The following APLF variants were observed in gnomAD, a reference collection of about 807,000 sequenced individuals.
APLF encodes the protein aprataxin and PNK-like factor.
In APLF, 61 loss-of-function variants were observed where a neutral mutation model predicts 55.6. The observed-to-expected ratio is 1.10, with a 90% CI of 0.89 to 1.36. The LOEUF is 1.36. Among genes scored for constraint, APLF ranks in the 40% most tolerant of loss-of-function variants. APLF has a pLI of 0.00. For missense variants in APLF, 611 were observed against 602.5 expected (o/e 1.01, Z -0.15); for synonymous variants, 207 against 214.8 (o/e 0.96, Z 0.32).
chr2:68,575,849 T>C (rs147821223), intron 9 of APLF, among the ~76,000 whole-genome samples: 1 of 152,138 alleles, frequency 6.6e-6, no homozygotes, highest in Non-Finnish European at 1.5e-5. Flanking sequence ...CAGATAATGC[T>C]TAAGTATCCA....
chr2:68,574,214 C>G (rs1447091178), intron 9 of APLF, among the ~76,000 whole-genome samples: 1 of 151,064 alleles, frequency 6.6e-6, no homozygotes, highest in Non-Finnish European at 1.5e-5. Context: ...TTTTTTGGCC[C>G]AGTTACACTG....
At chr2:68,567,531 T>A in intron 9 of APLF, 144 bp downstream of exon 9, 1 of 679,236 alleles carries the variant, frequency 1.5e-6, no homozygotes, top group South Asian at 2.2e-5. Flanking sequence ...ATTTTTCTTA[T>A]ATTAAAAAAA....
At chr2:68,514,674 C>T (rs955193473) in intron 5 of APLF, among the ~76,000 whole-genome samples, 7 of 151,792 alleles carry the variant, frequency 4.6e-5, no homozygotes, top group African/African-American at 1.2e-4. Flanking sequence ...TATCACTCAC[C>T]TCTGCCTGTT....
chr2:68,559,684 G>T (rs1466687138), intron 8 of APLF, among the ~76,000 whole-genome samples: 1 of 151,968 alleles, frequency 6.6e-6, no homozygotes, highest in Non-Finnish European at 1.5e-5. Flanking sequence ...TCATTTCTTA[G>T]GTCCTCTACC....
At chr2:68,517,506 C>G (rs1036315581) in intron 5 of APLF, among the ~76,000 whole-genome samples, 1 of 139,680 alleles carries the variant, frequency 7.2e-6, no homozygotes, top group African/African-American at 2.6e-5. Context: ...TATGTTATCA[C>G]TATATATTAA....
intron 9 of APLF, among the ~76,000 whole-genome samples, chr2:68,572,087 A>C (rs988570365): frequency 4.6e-5 from 7 of 152,132 alleles, no homozygotes; most frequent in African/African-American, 7.2e-5. Flanking sequence ...AAAGATCCAG[A>C]AAGAAAACTA....
Position 68,560,362 on chromosome 2 carries a change from G to A in APLF, c.1287-6979G>A, listed in dbSNP as rs116136483. ...ATAGACAGTTTGAGTGAAATGGATG[G>A]CAATAGGACTGTTTTATTTATTTCT... On this transcript the variant is annotated intron_variant, in intron 8 of 9. Transcript: ENST00000303795. Among the ~76,000 whole-genome samples the A allele has an allele frequency of 5.5e-3, 835 of 152,140 alleles. 4 individuals are homozygous for A. Among genetic ancestry groups the A allele is most frequent in the African/African-American group, 0.019 (799 of 41,514 alleles).
chr2:68,468,705 AT>A (rs1675513707), intron 1 of APLF, among the ~76,000 whole-genome samples: 1 of 152,186 alleles, frequency 6.6e-6, no homozygotes, highest in Admixed American at 6.5e-5. Context: ...AACATTCAAC[AT>A]TTCTTGTTTG....
At chr2:68,485,492 C>A (rs1676135279) in intron 1 of APLF, among the ~76,000 whole-genome samples, 1 of 152,160 alleles carries the variant, frequency 6.6e-6, no homozygotes, top group South Asian at 2.1e-4. Context: ...AAGGTGGTAT[C>A]TGCCAGATTT....
chr2:68,567,377 T>A lies in APLF; in HGVS notation c.1323T>A (p.Asn441Lys), dbSNP rs1671337434. The change falls in exon 9 of 10, where the codon AAT becomes AAA. Residue 441 changes from asparagine to lysine, a missense_variant. Coordinates refer to ENST00000303795, the MANE Select transcript of APLF (RefSeq NM_173545.3). ...NPQHKIEYRH[N>K]TLPVRNVLDE... ...AGCACAAGATAGAATATAGACATAATACGCTTCCAGGTAAGTAAGTTTACT... is the reference window on the plus strand; with the variant it reads ...AGCACAAGATAGAATATAGACATAAAACGCTTCCAGGTAAGTAAGTTTACT... The A allele has an allele frequency of 1.2e-6, 2 of 1,602,322 alleles. No homozygotes were observed. The highest frequency in any genetic ancestry group is 2.7e-5 in the African/African-American group (2 of 74,118).
At chr2:68,535,843 T>C (rs1466957845) in intron 6 of APLF, among the ~76,000 whole-genome samples, 1 of 152,144 alleles carries the variant, frequency 6.6e-6, no homozygotes, top group Non-Finnish European at 1.5e-5. Flanking sequence ...GGTTTTAAGG[T>C]TAAGAGAAGT....
intron 8 of APLF, among the ~76,000 whole-genome samples, chr2:68,552,925 C>T (rs1021544157): frequency 2.6e-5 from 4 of 151,902 alleles, no homozygotes; most frequent in Non-Finnish European, 5.9e-5. Context: ...ACATTTTTTT[C>T]TCTTGTTAAT....
At chr2:68,554,469 G>C (rs1010456305) in intron 8 of APLF, among the ~76,000 whole-genome samples, 1 of 152,136 alleles carries the variant, frequency 6.6e-6, no homozygotes, top group South Asian at 2.1e-4. Flanking sequence ...GAATTGAGTT[G>C]AATTTGTGGA....
At chr2:68,516,849 ATATATATAATATATATAAT>A (rs1278812436) in intron 5 of APLF, among the ~76,000 whole-genome samples, 1 of 136,458 alleles carries the variant, frequency 7.3e-6, no homozygotes, top group African/African-American at 2.7e-5. Flanking sequence ...ATCACGTTTT[ATATATATAATATATATAAT>A]TATATATAAT....
intron 1 of APLF, among the ~76,000 whole-genome samples, chr2:68,482,259 T>G (rs369405936): frequency 2.4e-4 from 36 of 152,300 alleles, no homozygotes; most frequent in African/African-American, 8.4e-4. Flanking sequence ...GACCTATTCC[T>G]TTAGATGGGT....
In APLF at chr2:68,491,675, A is replaced by G. The variant is rs375800404; in HGVS notation, c.168+1414A>G. Among the ~76,000 whole-genome samples the G allele has an allele frequency of 6.3e-4, 96 of 152,320 alleles. 1 individual carries two copies. Among genetic ancestry groups the G allele is most frequent in the African/African-American group, 2.2e-3 (93 of 41,586 alleles). On this transcript the variant is annotated intron_variant, in intron 2 of 9. Coordinates refer to ENST00000303795, the MANE Select transcript of APLF (RefSeq NM_173545.3). ...AGGGAGTGCAGTGCAGTTTTGTTAC[A>G]TGATTATATTGTGAAATGGTGAAAT...
At chr2:68,482,862 G>A (rs1676006620) in intron 1 of APLF, among the ~76,000 whole-genome samples, 1 of 152,134 alleles carries the variant, frequency 6.6e-6, no homozygotes, top group South Asian at 2.1e-4. Context: ...AGCTCACAAT[G>A]GTTTGGCTAG....
chr2:68,507,914 TAGA>T (rs1676917492), intron 3 of APLF, among the ~76,000 whole-genome samples: 4 of 151,836 alleles, frequency 2.6e-5, no homozygotes, highest in Non-Finnish European at 4.4e-5. Flanking sequence ...TCTAAGTATG[TAGA>T]TTCCATATAA....
At position 68,476,129 on chromosome 2, in the gene APLF, G is replaced by A. The variant is rs184301188; in HGVS notation, c.96+8302G>A. On this transcript the variant is annotated intron_variant, in intron 1 of 9. Transcript: ENST00000303795. ...ATCTTTTGGGAAAGCACTGTAAATTGTGAAGTATTGTGTAAAGTAATGTTT... is the reference window on the plus strand; with the variant it reads ...ATCTTTTGGGAAAGCACTGTAAATTATGAAGTATTGTGTAAAGTAATGTTT... Among the ~76,000 whole-genome samples the A allele has an allele frequency of 1.1e-4, 17 of 151,728 alleles. No individual in the cohort carries two copies. In the Middle Eastern group the frequency reaches 0.01, roughly 91 times the overall value.
Sources: gnomAD v4.1 joint callset for allele counts (sites outside exome capture counted in the v4.1 genomes callset) on GRCh38, gnomAD v4.1.1 for gene constraint, MANE v1.5 for transcripts, NCBI Gene and HGNC (gene_info 2026-07-23, HGNC 2026-07-21) for gene names.